The following ATG4B variants were observed in gnomAD, a reference collection of about 807,000 sequenced individuals.
ATG4B encodes autophagy related 4B cysteine peptidase, also known as cysteine protease ATG4B.
A neutral mutation model predicts 56.6 loss-of-function variants in ATG4B; 29 were observed. The ratio of observed to expected loss-of-function variants is 0.51; its 90% CI spans 0.38 to 0.70. ATG4B has a LOEUF of 0.70. Among genes scored for constraint, ATG4B ranks in the 30% least tolerant of loss-of-function variants. The probability of loss-of-function intolerance (pLI) is 0.00; values close to 1 mark genes in which losing one functional copy is unlikely to be tolerated. For synonymous variants in ATG4B, 224 were observed against 206.1 expected (o/e 1.09, Z -0.74); for missense variants, 461 against 515.5 (o/e 0.89, Z 1.02).
At chr2:241,665,942 C>G (rs1484307735) in intron 7 of ATG4B, among the ~76,000 whole-genome samples, 2 of 152,362 alleles carry the variant, frequency 1.3e-5, no homozygotes, top group East Asian at 3.9e-4. Context: ...CTTTTTGATG[C>G]TTGACGGTTC....
chr2:241,666,590 G>A (rs1553569652), intron 7 of ATG4B, 55 bp from the exon 8 acceptor site: 1 of 1,571,708 alleles, frequency 6.4e-7, no homozygotes, highest in Non-Finnish European at 8.7e-7. Context: ...TGCTTGTTGT[G>A]GGAGCACTTT....
At position 241,653,678 on chromosome 2, in the gene ATG4B, C is replaced by T. The variant is rs141521252; in HGVS notation, c.283+68C>T. 1,557 of 1,450,450 alleles carry T rather than the reference C, an allele frequency of 1.1e-3. 15 individuals are homozygous for T. The African/African-American group carries it at 0.02, about 18-fold the overall frequency. The allele number at this position is 1,450,450 out of a possible 1,614,324, so 89.8% of individuals were successfully genotyped here. On this transcript the variant is annotated intron_variant, in intron 4 of 12. Transcript: ENST00000404914. ...CAGGAAGCAAAGGGGACTGTGGGGTCAGGGCTCTTTAGAGCAGACCACAGG... is the reference window on the plus strand; with the variant it reads ...CAGGAAGCAAAGGGGACTGTGGGGTTAGGGCTCTTTAGAGCAGACCACAGG...
chr2:241,639,399 T>C (rs1000876557), intron 1 of ATG4B, among the ~76,000 whole-genome samples: 1 of 152,230 alleles, frequency 6.6e-6, no homozygotes, highest in Admixed American at 6.5e-5. Flanking sequence ...GCTCTGGGGC[T>C]GGCTCCGTCC....
At chr2:241,663,667 G>C (rs989292811) in intron 7 of ATG4B, among the ~76,000 whole-genome samples, 1 of 152,150 alleles carries the variant, frequency 6.6e-6, no homozygotes, top group African/African-American at 2.4e-5. Flanking sequence ...GACAAATACA[G>C]AAATTAATGA....
rs144779968 is a variant in ATG4B, at chr2:241,664,459, G to T, written c.539-2186G>T. On this transcript the variant is annotated intron_variant, in intron 7 of 12. Transcript: ENST00000404914. ...AGTCTGAGGTGGGAGGATCCCATGAGCCTGGGAGGTTGAGGCTGCAGTGAG... is the reference window on the plus strand; with the variant it reads ...AGTCTGAGGTGGGAGGATCCCATGATCCTGGGAGGTTGAGGCTGCAGTGAG... Among the ~76,000 whole-genome samples, 88 of 152,330 alleles carry T rather than the reference G, an allele frequency of 5.8e-4. 2 individuals carry two copies. The East Asian group carries it at 0.015, about 26-fold the overall frequency.
Position 241,672,416 on chromosome 2 carries a change from C to A in ATG4B, c.*152C>A. ...GCTGTGCTCGTGGACTGAGGCTGCGCTGCCCGGGAGGCCTTACTGCTTGGT... is the reference window on the plus strand; with the variant it reads ...GCTGTGCTCGTGGACTGAGGCTGCGATGCCCGGGAGGCCTTACTGCTTGGT... On this transcript the variant is annotated 3_prime_UTR_variant, in exon 13 of 13. Transcript: ENST00000404914. The A allele has an allele frequency of 1.4e-6, 1 of 708,668 alleles. No individual in the cohort carries two copies. The highest frequency in any genetic ancestry group is 2.3e-6 in the Non-Finnish European group (1 of 426,246). 43.9% of individuals were successfully genotyped at this position (708,668 alleles called of 1,614,324 possible).
chr2:241,668,059 G>A lies in ATG4B; in HGVS notation c.733-84G>A, dbSNP rs947466899. On this transcript the variant is annotated intron_variant, in intron 8 of 12. Coordinates refer to ENST00000404914, the MANE Select transcript of ATG4B (RefSeq NM_013325.5). The surrounding 1 kb of genome is among the most constrained non-coding windows in gnomAD (Gnocchi z 4.2). ...TGTGTCACCCAGTTGGGCCTCAGCA[G>A]GCCCTTGGGCCCCCTATGGCAGTGG... The A allele has an allele frequency of 5.0e-6, 7 of 1,399,304 alleles. No homozygotes were observed. Among genetic ancestry groups the A allele is most frequent in the South Asian group, 1.3e-5 (1 of 78,084 alleles). 86.7% of individuals were successfully genotyped at this position (1,399,304 alleles called of 1,614,324 possible). A position where few individuals can be genotyped will look rare whatever the true frequency, so the allele number is the denominator to read the frequency against.
chr2:241,655,655 G>A (rs1559259557), intron 6 of ATG4B, among the ~76,000 whole-genome samples: 1 of 152,096 alleles, frequency 6.6e-6, no homozygotes, highest in Non-Finnish European at 1.5e-5. Flanking sequence ...CCATCTGTGC[G>A]GGTGCCGGGC....
intron 5 of ATG4B, 185 bp from the exon 6 acceptor site, chr2:241,655,086 G>A (rs1452299728): frequency 3.4e-5 from 21 of 617,456 alleles, no homozygotes; most frequent in Non-Finnish European, 2.6e-5. Flanking sequence ...CATAGTGAAG[G>A]ACAGTCCCTG....
At chr2:241,670,913 C>G in intron 11 of ATG4B, 131 bp downstream of exon 11, 2 of 973,716 alleles carry the variant, frequency 2.1e-6, no homozygotes, top group Non-Finnish European at 3.2e-6. Flanking sequence ...TTTGTCCCGC[C>G]TGGCACAGCT....
In ATG4B at chr2:241,673,426, C is replaced by T. The variant is rs1396968584; in HGVS notation, c.*1162C>T. 5 of 383,150 alleles carry T rather than the reference C, an allele frequency of 1.3e-5. No homozygotes were observed. Among genetic ancestry groups the T allele is most frequent in the African/African-American group, 6.2e-5 (3 of 48,120 alleles). 23.7% of individuals were successfully genotyped at this position (383,150 alleles called of 1,614,324 possible). On this transcript the variant is annotated 3_prime_UTR_variant, in exon 13 of 13. Coordinates refer to ENST00000404914, the MANE Select transcript of ATG4B (RefSeq NM_013325.5). Reference sequence around the variant, plus strand: ...GCTTGGGGAGCGTGGGCACTTTTCTCATGAGCAGCTACTGCGGCGTTGGCA... The same window carrying T: ...GCTTGGGGAGCGTGGGCACTTTTCTTATGAGCAGCTACTGCGGCGTTGGCA...
Position 241,672,171 on chromosome 2 carries a change from C to T in ATG4B, c.1109-20C>T. ...TGGCCCACCCAAGATGCCTGATGCGCTATGTCCTGTTCCTTCTAGATTCTT... is the reference window on the plus strand; with the variant it reads ...TGGCCCACCCAAGATGCCTGATGCGTTATGTCCTGTTCCTTCTAGATTCTT... On this transcript the variant is annotated intron_variant, in intron 12 of 12. Transcript: ENST00000404914. 2 of 1,565,584 alleles carry T rather than the reference C, an allele frequency of 1.3e-6. No homozygotes were observed. The highest frequency in any genetic ancestry group is 1.2e-5 in the South Asian group (1 of 85,028).
At chr2:241,659,443 G>C in intron 7 of ATG4B, 2 of 550,058 alleles carry the variant, frequency 3.6e-6, no homozygotes, top group South Asian at 3.3e-5. Context: ...TTTGTGTCTT[G>C]GTTACAAATC....
Position 241,672,679 on chromosome 2 carries a change from C to G in ATG4B, c.*415C>G, listed in dbSNP as rs988221874. ...CTCCCTGAGTCAGAGTCTCAGAAGA[C>G]CTGTGCAGGCTGGCGTGAGAGGAGC... On this transcript the variant is annotated 3_prime_UTR_variant, in exon 13 of 13. Coordinates refer to ENST00000404914, the MANE Select transcript of ATG4B (RefSeq NM_013325.5). 18 of 235,720 alleles carry G rather than the reference C, an allele frequency of 7.6e-5. No homozygotes were observed. The highest frequency in any genetic ancestry group is 3.6e-4 in the African/African-American group (16 of 44,394). 14.6% of individuals were successfully genotyped at this position (235,720 alleles called of 1,614,324 possible).
rs183884130 is a variant in ATG4B, at chr2:241,653,226, G to A, written c.185-286G>A. 93 of 991,810 alleles carry A rather than the reference G, an allele frequency of 9.4e-5. 1 individual carries two copies. In the Middle Eastern group the frequency reaches 1.2e-3, roughly 13 times the overall value. 61.4% of individuals were successfully genotyped at this position (991,810 alleles called of 1,614,324 possible). A position where few individuals can be genotyped will look rare whatever the true frequency, so the allele number is the denominator to read the frequency against. ...ACTTTGCATTTTCTGGATGACTTAC[G>A]GGGGTCAGTGTCTTCATATGTTTGT... On this transcript the variant is annotated intron_variant, in intron 3 of 12. Coordinates refer to ENST00000404914, the MANE Select transcript of ATG4B (RefSeq NM_013325.5).
Position 241,668,264 on chromosome 2 carries a change from T to C in ATG4B, c.811+43T>C. 4 of 1,552,202 alleles carry C rather than the reference T, an allele frequency of 2.6e-6. No homozygotes were observed. Among genetic ancestry groups the C allele is most frequent in the Non-Finnish European group, 3.5e-6 (4 of 1,145,886 alleles). ...ACCGTGTCCCTGTGGGCCTGGGCCT[T>C]TTAAGGGCATTCCATGAGCAGGTAC... On this transcript the variant is annotated intron_variant, in intron 9 of 12. Coordinates refer to ENST00000404914, the MANE Select transcript of ATG4B (RefSeq NM_013325.5). This position sits in a 1 kb window ranked among gnomAD's most constrained non-coding sequence, Gnocchi z 4.2.
At chr2:241,655,120 C>G in intron 5 of ATG4B, 151 bp from the exon 6 acceptor site, 7 of 701,364 alleles carry the variant, frequency 1.0e-5, no homozygotes, top group Non-Finnish European at 1.5e-5. Context: ...CCCCTCATGC[C>G]TCCCCCGATC....
intron 12 of ATG4B, chr2:241,671,971 G>GC: frequency 1.4e-6 from 2 of 1,403,558 alleles, no homozygotes; most frequent in Non-Finnish European, 1.8e-6. Flanking sequence ...TGTGCCGGCC[G>GC]CCCCCTGCCC....
chr2:241,649,272 A>G (rs1470545715), intron 1 of ATG4B, among the ~76,000 whole-genome samples: 4 of 152,234 alleles, frequency 2.6e-5, no homozygotes, highest in African/African-American at 9.7e-5. Context: ...CCACAGGCAT[A>G]GTATGATTTC....
Sources: allele counts gnomAD v4.1 joint callset (sites outside exome capture counted in the v4.1 genomes callset), GRCh38; gene constraint gnomAD v4.1.1; non-coding constraint Gnocchi (gnomAD v3.1); transcripts MANE v1.5; gene names NCBI Gene and HGNC (gene_info 2026-07-23, HGNC 2026-07-21).